Variants in NBEA observed in about 807,000 individuals in gnomAD.
NBEA encodes neurobeachin.
A neutral mutation model predicts 343.4 loss-of-function variants in NBEA; 44 were observed. The observed-to-expected ratio is 0.13, with a 90% CI of 0.10 to 0.16. NBEA has a LOEUF of 0.16. NBEA is among the 10% of genes least tolerant of loss of function. The pLI, the probability that NBEA is intolerant of heterozygous loss-of-function variation, is 1.00. For synonymous variants in NBEA, 1,175 were observed against 1,238.7 expected (o/e 0.95, Z 1.08); for missense variants, 2,555 against 3,631.3 (o/e 0.70, Z 7.62).
At chr13:35,290,929 A>G (rs2035764975) in intron 35 of NBEA, among the ~76,000 whole-genome samples, 2 of 151,756 alleles carry the variant, frequency 1.3e-5, no homozygotes, top group African/African-American at 4.8e-5. Flanking sequence ...TGTAATTTGT[A>G]TATGTCAGTG....
intron 41 of NBEA, among the ~76,000 whole-genome samples, chr13:35,478,687 G>A (rs1476834591): frequency 6.6e-6 from 1 of 152,206 alleles, no homozygotes; most frequent in South Asian, 2.1e-4. Flanking sequence ...CCCTCAGCCT[G>A]CACCGCCCAC....
Position 35,550,494 on chromosome 13 carries a change from G to T in NBEA, c.6603G>T (p.Glu2201Asp), listed in dbSNP as rs183274221. The T allele has an allele frequency of 6.2e-7, 1 of 1,611,258 alleles. No homozygotes were observed. The highest frequency in any genetic ancestry group is 1.1e-5 in the South Asian group (1 of 90,942). ...KIDTKVLAYTEGLHGKWMFSE... is the reference protein window; with the variant it reads ...KIDTKVLAYTDGLHGKWMFSE... ...TATTTTAGGTTCTTGCATACACTGAGGGACTTCACGGAAAATGGATGTTCA... is the reference window on the plus strand; with the variant it reads ...TATTTTAGGTTCTTGCATACACTGATGGACTTCACGGAAAATGGATGTTCA... Residue 2201 changes from glutamate to aspartate, a missense_variant, in exon 42 of 59, where the codon GAG becomes GAT. Physicochemically the swap from Glu to Asp is conservative, Grantham distance 45. This residue lies in a region of NBEA where 246 missense variants were observed against 313.7 expected (regional missense o/e 0.78). Transcript: ENST00000379939.
At chr13:35,366,443 C>T (rs187241516) in intron 38 of NBEA, among the ~76,000 whole-genome samples, 106 of 150,800 alleles carry the variant, frequency 7.0e-4, no homozygotes, top group African/African-American at 1.9e-3. Context: ...AAGTAATATG[C>T]ATATTATGAC....
chr13:35,405,493 T>C (rs1279838179), intron 38 of NBEA, among the ~76,000 whole-genome samples: 1 of 152,196 alleles, frequency 6.6e-6, no homozygotes, highest in African/African-American at 2.4e-5. Flanking sequence ...ATGAAAGAAC[T>C]GAGGTTTAGA....
chr13:35,148,415 T>C (rs2068571816), intron 18 of NBEA, among the ~76,000 whole-genome samples: 2 of 152,322 alleles, frequency 1.3e-5, no homozygotes, highest in Middle Eastern at 6.8e-3. Context: ...TCTGATCTTA[T>C]CTATAAAAAG....
chr13:35,565,668 G>A (rs1405580000), intron 44 of NBEA, among the ~76,000 whole-genome samples: 1 of 152,124 alleles, frequency 6.6e-6, no homozygotes, highest in Admixed American at 6.6e-5. Flanking sequence ...TTAGGATCCT[G>A]TTTCTTTAAT....
intron 34 of NBEA, among the ~76,000 whole-genome samples, chr13:35,242,198 A>C (rs1344984637): frequency 6.6e-6 from 1 of 151,892 alleles, no homozygotes; most frequent in Non-Finnish European, 1.5e-5. Context: ...TTATGAACAC[A>C]AGGAGAATAT....
intron 16 of NBEA, 22 bp from the exon 17 acceptor site, chr13:35,123,460 A>G: frequency 1.5e-6 from 2 of 1,369,622 alleles, no homozygotes; most frequent in South Asian, 1.7e-5. Context: ...AGTTTTTAAA[A>G]GATAATTTAT....
intron 8 of NBEA, among the ~76,000 whole-genome samples, chr13:35,065,209 A>G (rs1176120408): frequency 1.3e-5 from 2 of 151,886 alleles, no homozygotes; most frequent in Non-Finnish European, 2.9e-5. Flanking sequence ...TTTATACTTT[A>G]TACTTGAAAG....
chr13:35,366,202 A>G (rs761383956), intron 38 of NBEA, among the ~76,000 whole-genome samples: 10 of 151,590 alleles, frequency 6.6e-5, no homozygotes, highest in South Asian at 2.1e-4. Flanking sequence ...GGGTAGATCA[A>G]TAAAACAGAT....
At chr13:35,282,505 A>G (rs967973444) in intron 34 of NBEA, among the ~76,000 whole-genome samples, 1 of 152,214 alleles carries the variant, frequency 6.6e-6, no homozygotes, top group Non-Finnish European at 1.5e-5. Flanking sequence ...AAGTTGATGC[A>G]GAGGAGTGAT....
intron 38 of NBEA, among the ~76,000 whole-genome samples, chr13:35,381,281 T>G (rs1271039820): frequency 6.6e-6 from 1 of 152,096 alleles, no homozygotes; most frequent in East Asian, 1.9e-4. Flanking sequence ...TTAGTGCCAT[T>G]AAACAACTAT....
At chr13:35,339,002 A>G (rs1342943094) in intron 36 of NBEA, among the ~76,000 whole-genome samples, 1 of 152,084 alleles carries the variant, frequency 6.6e-6, no homozygotes, top group African/African-American at 2.4e-5. Flanking sequence ...TCTCAGTCTG[A>G]TAAGTGAGAT....
rs748150232 is a variant in NBEA, at chr13:35,041,019, C to G, written c.381C>G (p.His127Gln). ...SITCMTELLE[H>Q]CDVTCQAEIW... is the part of the protein sequence containing the mutation. ...CATGTATGACAGAGCTTTTGGAGCA[C>G]TGTGATGTAACATGTCAAGCAGAAA... Residue 127 changes from histidine (H) to glutamine (Q), a missense_variant, in exon 2 of 59, where the codon CAC becomes CAG. His to Gln is a conservative substitution (Grantham distance 24). This residue lies in a region of NBEA where 185 missense variants were observed against 290.6 expected (regional missense o/e 0.64). Transcript: ENST00000379939. 6.2e-7 allele frequency: 1 copy of G among 1,613,120 alleles called. No homozygotes were observed. Among genetic ancestry groups the G allele is most frequent in the Non-Finnish European group, 8.5e-7 (1 of 1,179,426 alleles).
chr13:35,061,268 ATAAGT>A (rs2063458138), intron 8 of NBEA, among the ~76,000 whole-genome samples: 1 of 151,752 alleles, frequency 6.6e-6, no homozygotes. Context: ...GAAACAGTAA[ATAAGT>A]TAGGGTGTCA....
rs141956571 is a variant in NBEA, at chr13:35,648,391, G to A, written c.7771-1264G>A. ...AGAGATGTGGCCTCGGAGCCTCACC[G>A]TTTTTAATAAACTGTCCAGAAGAAT... is the stretch of plus-strand genomic sequence containing the variant. On this transcript the variant is annotated intron_variant, in intron 51 of 58. Coordinates refer to ENST00000379939, the MANE Select transcript of NBEA (RefSeq NM_001385012.1). Among the ~76,000 whole-genome samples, 59 of 151,914 alleles carry A rather than the reference G, an allele frequency of 3.9e-4. No homozygotes were observed. The East Asian group carries it at 9.9e-3, about 25-fold the overall frequency.
chr13:35,635,757 GAAATTAATGA>G (rs1217399389), intron 49 of NBEA, among the ~76,000 whole-genome samples: 3 of 152,160 alleles, frequency 2.0e-5, no homozygotes, highest in African/African-American at 7.2e-5. Context: ...TAGTATCAAG[GAAATTAATGA>G]CACACATTTA....
intron 41 of NBEA, among the ~76,000 whole-genome samples, chr13:35,535,244 C>G (rs1205868585): frequency 1.3e-5 from 2 of 152,270 alleles, no homozygotes; most frequent in East Asian, 3.9e-4. Flanking sequence ...GCAAAAACAC[C>G]ATGGGAAATT....
chr13:35,002,507 G>C (rs111820613), intron 1 of NBEA, among the ~76,000 whole-genome samples: 13,749 of 152,108 alleles, frequency 0.09, 864 homozygotes, highest in Non-Finnish European at 0.14. Context: ...GCTCTATTCT[G>C]TCCCCATGTC....
Sources: gnomAD v4.1 joint callset for allele counts (sites outside exome capture counted in the v4.1 genomes callset) on GRCh38, gnomAD v4.1.1 for gene constraint, gnomAD v4.1.1 regional missense constraint, MANE v1.5 for transcripts, NCBI Gene and HGNC (gene_info 2026-07-23, HGNC 2026-07-21) for gene names.